The following CDH18 variants were observed in gnomAD, a reference collection of about 807,000 sequenced individuals.
CDH18 encodes the protein cadherin-18.
CDH18 carries 31 observed loss-of-function variants against 67.9 expected under a neutral mutation model. The observed-to-expected ratio is 0.46, with a 90% confidence interval of 0.34 to 0.62. CDH18 has a LOEUF of 0.62. Among genes scored for constraint, CDH18 ranks in the 20% least tolerant of loss-of-function variants. The pLI is 0.01. For synonymous variants in CDH18, 362 were observed against 347.2 expected, an observed-to-expected ratio of 1.04 and a Z score of -0.48; for missense variants, 890 against 975.5, an observed-to-expected ratio of 0.91 and a Z score of 1.17.
chr5:20,080,573 T>C (rs887227467), intron 2 of CDH18, among the ~76,000 whole-genome samples: 1 of 152,118 alleles, frequency 6.6e-6, no homozygotes, highest in Non-Finnish European at 1.5e-5. Flanking sequence ...TTGAATGTAA[T>C]AAAGAGCAGA....
chr5:19,698,670 G>A lies in CDH18; in HGVS notation c.643+22677C>T, dbSNP rs147590057. The stretch of plus-strand genomic sequence containing the variant: ...TACTCTTAAAAATGGAATAGTTTAG[G>A]TATCTGTATGTGAATTAAAAATAAA... On this transcript the variant is annotated intron_variant, in intron 5 of 12. Transcript: ENST00000382275. Among the ~76,000 whole-genome samples, 197 of 151,978 alleles carry A rather than the reference G, an allele frequency of 1.3e-3. 1 individual carries two copies. Among genetic ancestry groups the A allele is most frequent in the African/African-American group, 4.6e-3 (190 of 41,486 alleles).
chr5:20,441,454 G>T (rs1749598690), intron 1 of CDH18, among the ~76,000 whole-genome samples: 1 of 151,170 alleles, frequency 6.6e-6, no homozygotes. Context: ...TAGTTCCCAA[G>T]AAGGCATTAG....
intron 2 of CDH18, among the ~76,000 whole-genome samples, chr5:20,067,650 A>C (rs1743097994): frequency 1.3e-5 from 2 of 152,106 alleles, no homozygotes; most frequent in Non-Finnish European, 2.9e-5. Context: ...TAGCAAAGCT[A>C]CCAGGCCATT....
chr5:19,574,895 C>T (rs1742066778), intron 7 of CDH18, among the ~76,000 whole-genome samples: 1 of 151,992 alleles, frequency 6.6e-6, no homozygotes, highest in Admixed American at 6.6e-5. Context: ...AAAAATTAGC[C>T]GGGTGTGGTT....
chr5:19,735,310 T>C (rs984233373), intron 4 of CDH18, among the ~76,000 whole-genome samples: 2 of 152,074 alleles, frequency 1.3e-5, no homozygotes, highest in Non-Finnish European at 2.9e-5. Flanking sequence ...GCAACATAAG[T>C]GCTGCTCTTA....
At chr5:20,380,098 T>C (rs1331303198) in intron 1 of CDH18, among the ~76,000 whole-genome samples, 1 of 152,058 alleles carries the variant, frequency 6.6e-6, no homozygotes, top group Non-Finnish European at 1.5e-5. Flanking sequence ...AGGGATGAAA[T>C]AGCACAAAGG....
intron 2 of CDH18, among the ~76,000 whole-genome samples, chr5:20,114,661 C>CT (rs2126368368): frequency 6.6e-6 from 1 of 152,202 alleles, no homozygotes; most frequent in Non-Finnish European, 1.5e-5. Context: ...AGGGTATACT[C>CT]TAAGTTCCTC....
At position 20,304,929 on chromosome 5, in the gene CDH18, G is replaced by T. The variant is rs181298006; in HGVS notation, c.-579-49424C>A. 3.1e-6 allele frequency: 5 copies of T among 1,613,378 alleles called. No homozygotes were observed. The East Asian group carries it at 8.9e-5, about 29-fold the overall frequency. ...GATCACAGAGGGGGTTTGTATTCAC[G>T]TGCTTCACTATCCAATCCCGCACGG... On this transcript the variant is annotated intron_variant, in intron 1 of 14. Coordinates refer to the CDH18 transcript ENST00000507958.
chr5:20,217,270 G>A (rs1740855342), intron 2 of CDH18, among the ~76,000 whole-genome samples: 1 of 151,768 alleles, frequency 6.6e-6, no homozygotes, highest in Non-Finnish European at 1.5e-5. Flanking sequence ...TGTATCTTGA[G>A]TAGAAAGTCT....
chr5:19,879,689 C>T (rs1325199581), intron 2 of CDH18, among the ~76,000 whole-genome samples: 1 of 151,804 alleles, frequency 6.6e-6, no homozygotes, highest in African/African-American at 2.4e-5. Flanking sequence ...ATATGAAAGG[C>T]TTATATAGGA....
At chr5:20,063,506 C>T (rs1742691330) in intron 2 of CDH18, among the ~76,000 whole-genome samples, 1 of 151,974 alleles carries the variant, frequency 6.6e-6, no homozygotes, top group Non-Finnish European at 1.5e-5. Context: ...CTGGTCCACA[C>T]AGTAGAAAAA....
At chr5:20,057,459 T>C (rs990322100) in intron 2 of CDH18, among the ~76,000 whole-genome samples, 1 of 152,204 alleles carries the variant, frequency 6.6e-6, no homozygotes, top group Non-Finnish European at 1.5e-5. Context: ...CTTTATTAAC[T>C]TAATAATTTG....
chr5:20,389,413 T>G (rs1215079594), intron 1 of CDH18, among the ~76,000 whole-genome samples: 1 of 152,156 alleles, frequency 6.6e-6, no homozygotes, highest in South Asian at 2.1e-4. Context: ...TGGTAGATCT[T>G]CCTCCATCCC....
At chr5:19,522,330 C>A (rs1460519044) in intron 9 of CDH18, among the ~76,000 whole-genome samples, 1 of 151,896 alleles carries the variant, frequency 6.6e-6, no homozygotes, top group Non-Finnish European at 1.5e-5. Flanking sequence ...ATTAAAGGAA[C>A]CTATGAATAA....
At chr5:20,135,591 T>C (rs551638984) in intron 2 of CDH18, among the ~76,000 whole-genome samples, 39 of 152,332 alleles carry the variant, frequency 2.6e-4, no homozygotes, top group African/African-American at 7.5e-4. Flanking sequence ...CTCTAATTCC[T>C]TCAGTTCAGC....
At chr5:20,504,893 G>C (rs935925701) in intron 1 of CDH18, among the ~76,000 whole-genome samples, 1 of 149,506 alleles carries the variant, frequency 6.7e-6, no homozygotes, top group Non-Finnish European at 1.5e-5. Context: ...TCAGCCTCCT[G>C]AGTAGCTGGG....
chr5:20,556,806 G>A (rs1757932038), intron 1 of CDH18, among the ~76,000 whole-genome samples: 1 of 152,104 alleles, frequency 6.6e-6, no homozygotes, highest in Admixed American at 6.6e-5. Context: ...ATCAATTTGT[G>A]TTTGTTTCTT....
chr5:20,316,311 G>A (rs755284534), intron 1 of CDH18, among the ~76,000 whole-genome samples: 1 of 151,990 alleles, frequency 6.6e-6, no homozygotes, highest in Admixed American at 6.6e-5. Context: ...CCAGAAAAAT[G>A]ATGTTGAGAA....
chr5:19,942,648 A>G (rs1483463742), intron 2 of CDH18, among the ~76,000 whole-genome samples: 1 of 152,176 alleles, frequency 6.6e-6, no homozygotes, highest in Non-Finnish European at 1.5e-5. Context: ...ACAAGCTGAT[A>G]GATGTCACCC....
Sources: allele counts gnomAD v4.1 joint callset (sites outside exome capture counted in the v4.1 genomes callset), GRCh38; gene constraint gnomAD v4.1.1; transcripts MANE v1.5; gene names NCBI Gene and HGNC (gene_info 2026-07-23, HGNC 2026-07-21).